The following SMURF2 variants were observed in gnomAD, a reference collection of about 807,000 sequenced individuals.
SMURF2 encodes the protein SMAD specific E3 ubiquitin protein ligase 2, also known as E3 ubiquitin-protein ligase SMURF2.
A neutral mutation model predicts 109.6 loss-of-function variants in SMURF2; 48 were observed. That is an observed-to-expected ratio of 0.44 (90% CI 0.35 to 0.56). The LOEUF (loss-of-function observed/expected upper bound fraction) is 0.56. Ranked by LOEUF, SMURF2 falls within the 20% of genes least tolerant of loss-of-function variation. The probability of loss-of-function intolerance (pLI) is 0.01; values close to 1 mark genes in which losing one functional copy is unlikely to be tolerated. For missense variants in SMURF2, 575 were observed against 909.0 expected (o/e 0.63, Z 4.72); for synonymous variants, 288 against 317.1 (o/e 0.91, Z 0.97).
At position 64,662,057 on chromosome 17, in the gene SMURF2, G is replaced by A. The variant is rs879872644; in HGVS notation, c.-177C>T. 9.0e-7 allele frequency: 1 copy of A among 1,106,156 alleles called. No homozygotes were observed. The highest frequency in any genetic ancestry group is 3.9e-4 in the Middle Eastern group (1 of 2,546). The allele number at this position is 1,106,156 out of a possible 1,614,324, so 68.5% of individuals were successfully genotyped here. On this transcript the variant is annotated 5_prime_UTR_variant, in exon 1 of 19. Transcript: ENST00000262435. ...CCATGAGCCGCGGAGGGAGCGGGAC[G>A]CCGAGCTCCCCCCTCCTCCCACTTC...
At chr17:64,640,321 AG>A (rs1323613504) in intron 1 of SMURF2, among the ~76,000 whole-genome samples, 1 of 152,206 alleles carries the variant, frequency 6.6e-6, no homozygotes, top group Non-Finnish European at 1.5e-5. Context: ...CAGAAAAATA[AG>A]AAGAAACAAG....
chr17:64,570,918 C>T (rs1435472567), intron 10 of SMURF2, among the ~76,000 whole-genome samples: 1 of 152,084 alleles, frequency 6.6e-6, no homozygotes, highest in Non-Finnish European at 1.5e-5. Flanking sequence ...GTAGCTGGGA[C>T]CACAGGTGCG....
At chr17:64,557,116 T>C (rs1406033760) in intron 13 of SMURF2, among the ~76,000 whole-genome samples, 1 of 152,226 alleles carries the variant, frequency 6.6e-6, no homozygotes, top group Admixed American at 6.5e-5. Context: ...GATAGAGTTG[T>C]AGAGTGAATA....
At chr17:64,570,843 C>T (rs782265483) in intron 10 of SMURF2, among the ~76,000 whole-genome samples, 8 of 152,254 alleles carry the variant, frequency 5.3e-5, no homozygotes, top group Middle Eastern at 3.4e-3. Context: ...ATGAGTGGCG[C>T]GATCACAGCT....
At chr17:64,617,639 C>A (rs1366295874) in intron 1 of SMURF2, among the ~76,000 whole-genome samples, 1 of 152,062 alleles carries the variant, frequency 6.6e-6, no homozygotes, top group Non-Finnish European at 1.5e-5. Context: ...GCGCACACCA[C>A]CATGCCTTGC....
intron 1 of SMURF2, among the ~76,000 whole-genome samples, chr17:64,622,658 A>G (rs370844468): frequency 6.6e-6 from 1 of 152,216 alleles, no homozygotes; most frequent in African/African-American, 2.4e-5. Flanking sequence ...TTCTCATAAC[A>G]TCATATCAAG....
Position 64,587,784 on chromosome 17 carries a change from G to C in SMURF2, c.401-1614C>G, listed in dbSNP as rs534769450. 6.6e-5 allele frequency among the ~76,000 whole-genome samples: 10 copies of C among 152,226 alleles called. No individual in the cohort carries two copies. In the South Asian group the frequency reaches 2.1e-3, roughly 32 times the overall value. On this transcript the variant is annotated intron_variant, in intron 5 of 18. Coordinates refer to ENST00000262435, the MANE Select transcript of SMURF2 (RefSeq NM_022739.4). Reference sequence around the variant, plus strand: ...TATATGAAAACTGTACTAGACAACTGTATCAATCAGTTTTTAAATAGATAA... The same window carrying C: ...TATATGAAAACTGTACTAGACAACTCTATCAATCAGTTTTTAAATAGATAA...
chr17:64,585,039 T>A (rs1385056674), intron 6 of SMURF2, among the ~76,000 whole-genome samples: 1 of 152,158 alleles, frequency 6.6e-6, no homozygotes, highest in African/African-American at 2.4e-5. Flanking sequence ...GTTTAAAAAA[T>A]GAGTAAATAC....
Position 64,562,941 on chromosome 17 carries a change from G to A in SMURF2, c.1042C>T (p.Gln348Ter), listed in dbSNP as rs1388804220. 6.2e-7 allele frequency: 1 copy of A among 1,613,600 alleles called. No individual in the cohort carries two copies. The highest frequency in any genetic ancestry group is 8.5e-7 in the Non-Finnish European group (1 of 1,179,772). Reference sequence around the variant, plus strand: ...CATAACGATACCACTTGCTGTTGCTGTTGGTCTTTCAATTGGTTCTGCCGA... The same window carrying A: ...CATAACGATACCACTTGCTGTTGCTATTGGTCTTTCAATTGGTTCTGCCGA... ...LNRQNQLKDQ[Q>*]QQQVVSLCPD... Residue 348 changes from glutamine (Q) to a stop codon, truncating the protein, a stop_gained, in exon 11 of 19, where the codon CAG (glutamine) becomes TAG (stop). Coordinates refer to ENST00000262435, the MANE Select transcript of SMURF2 (RefSeq NM_022739.4). LOFTEE classifies it high-confidence loss of function.
chr17:64,575,216 C>T (rs1351682716), intron 9 of SMURF2, among the ~76,000 whole-genome samples: 9 of 151,476 alleles, frequency 5.9e-5, no homozygotes, highest in African/African-American at 1.5e-4. Flanking sequence ...TGCCACGGTG[C>T]GATCTCGGCT....
chr17:64,614,356 C>T (rs960894656), intron 1 of SMURF2, among the ~76,000 whole-genome samples: 8 of 152,088 alleles, frequency 5.3e-5, no homozygotes, highest in Non-Finnish European at 2.9e-5. Context: ...TTAGTAGGCA[C>T]AAGTCAATTT....
chr17:64,631,437 G>A (rs184977330), intron 1 of SMURF2, among the ~76,000 whole-genome samples: 1 of 151,884 alleles, frequency 6.6e-6, no homozygotes, highest in Non-Finnish European at 1.5e-5. Flanking sequence ...GAAGGAAATG[G>A]GCTAAGAAAG....
chr17:64,548,958 A>C (rs1388442337), intron 16 of SMURF2, among the ~76,000 whole-genome samples: 2 of 152,124 alleles, frequency 1.3e-5, no homozygotes, highest in African/African-American at 2.4e-5. Flanking sequence ...GGATTAATAT[A>C]TACAATGCTA....
chr17:64,567,325 T>C (rs1376492278), intron 10 of SMURF2, among the ~76,000 whole-genome samples: 4 of 152,198 alleles, frequency 2.6e-5, no homozygotes, highest in African/African-American at 7.2e-5. Flanking sequence ...ATCAACAAAA[T>C]TGGAAAACTA....
At chr17:64,592,130 G>A (rs1292085164) in intron 4 of SMURF2, among the ~76,000 whole-genome samples, 3 of 152,124 alleles carry the variant, frequency 2.0e-5, no homozygotes, top group Non-Finnish European at 2.9e-5. Flanking sequence ...CTTCCAATGC[G>A]GCATGCTCCC....
intron 1 of SMURF2, among the ~76,000 whole-genome samples, chr17:64,649,324 A>G (rs1444413549): frequency 6.6e-6 from 1 of 152,124 alleles, no homozygotes; most frequent in African/African-American, 2.4e-5. Context: ...AGGTGACGCT[A>G]CAGGCTACTT....
chr17:64,551,197 C>CA (rs1306903392), intron 16 of SMURF2, among the ~76,000 whole-genome samples: 20 of 150,864 alleles, frequency 1.3e-4, no homozygotes, highest in South Asian at 6.3e-4. Flanking sequence ...CTGTCTCTAC[C>CA]AAAAAAAACA....
intron 1 of SMURF2, among the ~76,000 whole-genome samples, chr17:64,613,671 CCAGTGTGT>C (rs1970075482): frequency 1.3e-5 from 1 of 74,652 alleles, no homozygotes; most frequent in Non-Finnish European, 2.5e-5. Context: ...TTTCCACGGA[CCAGTGTGT>C]GTGTGTGTGT....
At chr17:64,578,661 T>C in intron 8 of SMURF2, 85 bp from the exon 9 acceptor site, 2 of 803,712 alleles carry the variant, frequency 2.5e-6, no homozygotes, top group East Asian at 5.2e-5. Context: ...GATATACTAA[T>C]AGGGAAAAAT....
Sources: gnomAD v4.1 joint callset for allele counts (sites outside exome capture counted in the v4.1 genomes callset) on GRCh38, gnomAD v4.1.1 for gene constraint, MANE v1.5 for transcripts, NCBI Gene and HGNC (gene_info 2026-07-23, HGNC 2026-07-21) for gene names.